Variants in ZIC5 observed in about 807,000 individuals in gnomAD.
ZIC5 encodes the protein zinc finger protein ZIC 5.
A neutral mutation model predicts 28.5 loss-of-function variants in ZIC5; 20 were observed. That is an observed-to-expected ratio of 0.70 (90% CI 0.49 to 1.02). ZIC5 has a LOEUF of 1.02. Among genes scored for constraint, ZIC5 ranks in the 50% least tolerant of loss-of-function variants. ZIC5 has a pLI of 0.00. For synonymous variants in ZIC5, 488 were observed against 410.4 expected (o/e 1.19, Z -2.29); for missense variants, 951 against 899.7 (o/e 1.06, Z -0.73).
chr13:99,971,770 ACAC>A (rs2053163362), upstream of ZIC5: 14 of 1,486,404 alleles, frequency 9.4e-6, no homozygotes, highest in Middle Eastern at 1.7e-4. Context: ...GGCAGAGTGA[ACAC>A]CACATTTGAG....
At chr13:99,970,008 G>A in intron 1 of ZIC5, 119 bp downstream of exon 1, 1 of 1,466,686 alleles carries the variant, frequency 6.8e-7, no homozygotes. Flanking sequence ...GCGAAGAGAA[G>A]CAGCAGAAGG....
chr13:99,971,838 G>A (rs1201148626), upstream of ZIC5: 4 of 855,406 alleles, frequency 4.7e-6, no homozygotes, highest in Non-Finnish European at 7.2e-6. Context: ...GGAGGGAGCC[G>A]CGTGATTGGC....
intron 1 of ZIC5, 115 bp downstream of exon 1, chr13:99,970,012 C>CA: frequency 6.7e-7 from 1 of 1,499,558 alleles, no homozygotes; most frequent in Non-Finnish European, 9.0e-7. Context: ...AGAGAAGCAG[C>CA]AGAAGGAGAA....
intron 1 of ZIC5, among the ~76,000 whole-genome samples, chr13:99,968,221 C>A (rs1476330936): frequency 6.6e-6 from 1 of 152,172 alleles, no homozygotes; most frequent in Non-Finnish European, 1.5e-5. Context: ...ACACAATGTC[C>A]AATAGCTGAG....
Position 99,970,770 on chromosome 13 carries a change from C to A in ZIC5, c.834G>T (p.Pro278=). ...AAAELYGRAE[P]PFAPRSGDAH... ...CGTCCCCAGAGCGCGGCGCGAAGGG[C>A]GGTTCGGCGCGGCCGTACAGCTCAG... The change falls in exon 1 of 2, where the codon CCG becomes CCT. Residue 278 remains proline, a synonymous_variant. Coordinates refer to ENST00000267294, the MANE Select transcript of ZIC5 (RefSeq NM_033132.5). The A allele has an allele frequency of 8.5e-7, 1 of 1,177,868 alleles. No individual in the cohort carries two copies. Among genetic ancestry groups the A allele is most frequent in the Non-Finnish European group, 1.0e-6 (1 of 956,370 alleles). The allele number at this position is 1,177,868 out of a possible 1,614,324, so 73.0% of individuals were successfully genotyped here. A position where few individuals can be genotyped will look rare whatever the true frequency, so the allele number is the denominator to read the frequency against.
Position 99,971,472 on chromosome 13 carries a change from G to A in ZIC5, c.132C>T (p.Leu44=). The A allele has an allele frequency of 6.5e-7, 1 of 1,549,420 alleles. No individual in the cohort carries two copies. Residue 44 remains leucine (L), a synonymous_variant, in exon 1 of 2, where the codon CTC becomes CTT. Coordinates refer to ENST00000267294, the MANE Select transcript of ZIC5 (RefSeq NM_033132.5). ...ALAGPPAHSQ[L]RAAVAHLRLR... is the part of the protein sequence containing the mutation. The stretch of plus-strand genomic sequence containing the variant: ...GGCGGAGGTGCGCGACGGCGGCCCG[G>A]AGTTGGGAGTGGGCGGGCGGGCCGG...
chr13:99,970,111 G>C lies in ZIC5; in HGVS notation c.1477+16C>G, dbSNP rs759503953. ...TGGTGGCGGCGGCGGCGGCGCGGCC[G>C]GGGACAGACACCCACCTGTATGAGT... On this transcript the variant is annotated intron_variant, in intron 1 of 1. Coordinates refer to ENST00000267294, the MANE Select transcript of ZIC5 (RefSeq NM_033132.5). 12 of 1,604,808 alleles carry C rather than the reference G, an allele frequency of 7.5e-6. No individual in the cohort carries two copies. In the African/African-American group the frequency reaches 1.4e-4, roughly 18 times the overall value.
Position 99,970,488 on chromosome 13 carries a change from G to A in ZIC5, c.1116C>T (p.Leu372=), listed in dbSNP as rs777546708. ...CGTCGGGGTCGATCCACTTGCAGAT[G>A]AGCTCCTGCTTGATTGGCTGCCGCA... ...RYMRQPIKQE[L]ICKWIDPDEL... is the part of the protein sequence containing the mutation. The change falls in exon 1 of 2, where the codon CTC becomes CTT. Residue 372 remains leucine, a synonymous_variant. Coordinates refer to ENST00000267294, the MANE Select transcript of ZIC5 (RefSeq NM_033132.5). The A allele has an allele frequency of 1.9e-5, 21 of 1,125,882 alleles. No individual in the cohort carries two copies. Among genetic ancestry groups the A allele is most frequent in the Non-Finnish European group, 2.2e-5 (20 of 913,648 alleles). The allele number at this position is 1,125,882 out of a possible 1,614,324, so 69.7% of individuals were successfully genotyped here.
Position 99,971,459 on chromosome 13 carries a change from C to T in ZIC5, c.145G>A (p.Ala49Thr), listed in dbSNP as rs951790960. The T allele has an allele frequency of 1.2e-5, 18 of 1,547,054 alleles. No homozygotes were observed. Among genetic ancestry groups the T allele is most frequent in the Admixed American group, 5.9e-5 (3 of 50,892 alleles). ...PAHSQLRAAV[A>T]HLRLRDLGAD... is the part of the protein sequence containing the mutation. ...CCCAGGTCCCGCAGGCGGAGGTGCG[C>T]GACGGCGGCCCGGAGTTGGGAGTGG... Residue 49 changes from alanine to threonine, a missense_variant, in exon 1 of 2, where the codon GCG becomes ACG. By Grantham distance (58) the Ala-to-Thr change is moderately conservative (BLOSUM62 0). Transcript: ENST00000267294.
In ZIC5 at chr13:99,970,481, T is replaced by C. The variant is rs2053142860; in HGVS notation, c.1123A>G (p.Lys375Glu). The C allele has an allele frequency of 2.7e-6, 3 of 1,120,292 alleles. No homozygotes were observed. The highest frequency in any genetic ancestry group is 3.6e-5 in the Admixed American group (1 of 27,684). The allele number at this position is 1,120,292 out of a possible 1,614,324, so 69.4% of individuals were successfully genotyped here. Reference sequence around the variant, plus strand: ...GCCAGCTCGTCGGGGTCGATCCACTTGCAGATGAGCTCCTGCTTGATTGGC... The same window carrying C: ...GCCAGCTCGTCGGGGTCGATCCACTCGCAGATGAGCTCCTGCTTGATTGGC... Reference protein sequence around the residue: ...RQPIKQELICKWIDPDELAGL... With the variant: ...RQPIKQELICEWIDPDELAGL... Residue 375 changes from lysine (K) to glutamate (E), a missense_variant, in exon 1 of 2, where the codon AAG (lysine) becomes GAG (glutamate). Around this residue, in one of 3 missense-constraint regions of ZIC5, gnomAD observed 784 missense variants for 660.1 expected, o/e 1.19. Transcript: ENST00000267294.
rs1413450942 is a variant in ZIC5, at chr13:99,965,468, T to G, written c.1829A>C (p.His610Pro). The G allele has an allele frequency of 5.0e-6, 8 of 1,613,892 alleles. No homozygotes were observed. The highest frequency in any genetic ancestry group is 1.7e-5 in the Admixed American group (1 of 59,984). ...YVCQASGAPS[H>P]LHTPSSNGTT... is the part of the protein sequence containing the mutation. The stretch of plus-strand genomic sequence containing the variant: ...TCCGTTGCTGGAAGGGGTGTGGAGG[T>G]GGCTGGGGGCCCCACTGGCCTGGCA... Residue 610 changes from histidine (H) to proline (P), a missense_variant, in exon 2 of 2, where the codon CAC becomes CCC. By Grantham distance (77) the His-to-Pro change is moderately conservative. This residue lies in a region of ZIC5 where 108 missense variants were observed against 118.4 expected (regional missense o/e 0.91). Coordinates refer to ENST00000267294, the MANE Select transcript of ZIC5 (RefSeq NM_033132.5).
At position 99,971,658 on chromosome 13, in the gene ZIC5, GC is replaced by G. The variant is rs1376836592; in HGVS notation, c.-56del. 1.9e-6 allele frequency: 3 copies of G among 1,557,646 alleles called. No individual in the cohort carries two copies. The Admixed American group carries it at 5.7e-5, about 30-fold the overall frequency. ...TCACTGGGGGGACTTTATTCCCTCT[GC>G]CCGCCTTCAAAAACATGTATGTATT... On this transcript the variant is annotated 5_prime_UTR_variant, in exon 1 of 2. The change creates a premature stop within an existing upstream ORF in the 5' untranslated region. Coordinates refer to ENST00000267294, the MANE Select transcript of ZIC5 (RefSeq NM_033132.5).
chr13:99,965,197 CTTAATTAAA>C lies in ZIC5; in HGVS notation c.*171_*179del, dbSNP rs2053089802. 3 of 296,846 alleles carry C rather than the reference CTTAATTAAA, an allele frequency of 1.0e-5. No homozygotes were observed. The highest frequency in any genetic ancestry group is 1.7e-5 in the Non-Finnish European group (3 of 173,546). The allele number at this position is 296,846 out of a possible 1,614,324, so 18.4% of individuals were successfully genotyped here. A position where few individuals can be genotyped will look rare whatever the true frequency, so the allele number is the denominator to read the frequency against. Reference sequence around the variant, plus strand: ...AAAAAAAAAAAAAAAGCCCAAATATCTTAATTAAATTAATTAAATGTACAAACACCATAG... The same window carrying C: ...AAAAAAAAAAAAAAAGCCCAAATATCTTAATTAAATGTACAAACACCATAG... On this transcript the variant is annotated 3_prime_UTR_variant, in exon 2 of 2. Coordinates refer to ENST00000267294, the MANE Select transcript of ZIC5 (RefSeq NM_033132.5).
chr13:99,969,517 T>A (rs545859502), intron 1 of ZIC5, among the ~76,000 whole-genome samples: 2 of 151,860 alleles, frequency 1.3e-5, no homozygotes, highest in East Asian at 3.9e-4. Flanking sequence ...TGTGTCACGG[T>A]GGGCGAGTGC....
At chr13:99,968,842 C>A (rs944788020) in intron 1 of ZIC5, among the ~76,000 whole-genome samples, 19 of 152,180 alleles carry the variant, frequency 1.2e-4, no homozygotes, top group African/African-American at 4.6e-4. Flanking sequence ...GTGCTCCCCA[C>A]CGGCCATCAG....
chr13:99,969,278 G>A (rs1438200808), intron 1 of ZIC5, among the ~76,000 whole-genome samples: 1 of 152,228 alleles, frequency 6.6e-6, no homozygotes, highest in African/African-American at 2.4e-5. Context: ...CCTCACCGAT[G>A]GTGGGAGGCT....
In ZIC5 at chr13:99,964,183, C is replaced by G. The variant is rs1164840162; in HGVS notation, c.*1194G>C. 6.6e-6 allele frequency: 1 copy of G among 152,232 alleles called. No homozygotes were observed. The highest frequency in any genetic ancestry group is 1.5e-5 in the Non-Finnish European group (1 of 68,046). The allele number at this position is 152,232 out of a possible 1,614,324, so 9.4% of individuals were successfully genotyped here. On this transcript the variant is annotated 3_prime_UTR_variant, in exon 2 of 2. Coordinates refer to ENST00000267294, the MANE Select transcript of ZIC5 (RefSeq NM_033132.5). Reference sequence around the variant, plus strand: ...TAATGTAAATCATACACTTCACACACTGTCATTTTCAAATGGATTCCAGTT... The same window carrying G: ...TAATGTAAATCATACACTTCACACAGTGTCATTTTCAAATGGATTCCAGTT...
Position 99,971,308 on chromosome 13 carries a change from C to G in ZIC5, c.296G>C (p.Arg99Pro). The G allele has an allele frequency of 7.3e-7, 1 of 1,369,378 alleles. No homozygotes were observed. 84.8% of individuals were successfully genotyped at this position (1,369,378 alleles called of 1,614,324 possible). ...AHPEAPAAAARAAALVAHPGA... is the reference protein window; with the variant it reads ...AHPEAPAAAAPAAALVAHPGA... ...GGGGTGCGCGACCAAGGCTGCAGCA[C>G]GGGCGGCGGCTGCCGGAGCCTCCGG... The change falls in exon 1 of 2, where the codon CGT (arginine) becomes CCT (proline). Residue 99 changes from arginine to proline, a missense_variant. Arg to Pro is a moderately radical substitution (Grantham distance 103). This residue lies in a region of ZIC5 where 784 missense variants were observed against 660.1 expected (regional missense o/e 1.19). Coordinates refer to ENST00000267294, the MANE Select transcript of ZIC5 (RefSeq NM_033132.5).
chr13:99,971,315 C>CGGCTGCCG lies in ZIC5; in HGVS notation c.281_288dup (p.Ala97ArgfsTer213). On this transcript the variant is annotated frameshift_variant, in exon 1 of 2. Coordinates refer to ENST00000267294, the MANE Select transcript of ZIC5 (RefSeq NM_033132.5). LOFTEE classifies it high-confidence loss of function. ...GCGACCAAGGCTGCAGCACGGGCGG[C>CGGCTGCCG]GGCTGCCGGAGCCTCCGGGTGTGCC... 1 of 1,370,836 alleles carries CGGCTGCCG rather than the reference C, an allele frequency of 7.3e-7. No homozygotes were observed. Among genetic ancestry groups the CGGCTGCCG allele is most frequent in the Non-Finnish European group, 9.3e-7 (1 of 1,072,700 alleles). 84.9% of individuals were successfully genotyped at this position (1,370,836 alleles called of 1,614,324 possible).
Sources: allele counts gnomAD v4.1 joint callset (sites outside exome capture counted in the v4.1 genomes callset), GRCh38; gene constraint gnomAD v4.1.1; regional missense constraint gnomAD v4.1.1; transcripts MANE v1.5; gene names NCBI Gene and HGNC (gene_info 2026-07-23, HGNC 2026-07-21).